Variants in SOX6 observed in about 807,000 individuals in gnomAD.
SOX6 encodes the protein SRY-box transcription factor 6.
SOX6 carries 11 observed loss-of-function variants against 97.8 expected under a neutral mutation model. That is an observed-to-expected ratio of 0.11 (90% CI 0.07 to 0.19). The LOEUF is 0.19. Ranked by LOEUF, SOX6 falls within the 10% of genes least tolerant of loss-of-function variation. The pLI, the probability that SOX6 is intolerant of heterozygous loss-of-function variation, is 1.00. For synonymous variants in SOX6, 360 were observed against 371.4 expected (o/e 0.97, Z 0.35); for missense variants, 810 against 1,039.5 (o/e 0.78, Z 3.04).
chr11:16,187,040 C>A, intron 4 of SOX6, 85 bp from the exon 5 acceptor site: 1 of 1,435,108 alleles, frequency 7.0e-7, no homozygotes, highest in South Asian at 1.2e-5. Flanking sequence ...TAGAAAGGGA[C>A]TATCCTAAGA....
chr11:16,539,489 T>C (rs1861368053), intron 4 of SOX6, among the ~76,000 whole-genome samples: 1 of 150,422 alleles, frequency 6.6e-6, no homozygotes, highest in Non-Finnish European at 1.5e-5. Flanking sequence ...CTGAAGGAGA[T>C]AGAGACATAA....
intron 3 of SOX6, among the ~76,000 whole-genome samples, chr11:16,675,338 A>G (rs1038695215): frequency 2.6e-5 from 4 of 152,032 alleles, no homozygotes; most frequent in East Asian, 1.9e-4. Flanking sequence ...ATATTTAGGG[A>G]TGGGATCTCA....
intron 6 of SOX6, among the ~76,000 whole-genome samples, chr11:16,144,051 C>T (rs903830723): frequency 6.6e-6 from 1 of 152,076 alleles, no homozygotes; most frequent in Admixed American, 6.6e-5. Context: ...GAATAATATT[C>T]TTCTCAGCAC....
intron 3 of SOX6, among the ~76,000 whole-genome samples, chr11:16,649,957 G>GA: frequency 6.6e-6 from 1 of 152,238 alleles, no homozygotes; most frequent in East Asian, 1.9e-4. Context: ...CCATGCAAAT[G>GA]AAAACCAAAA....
At chr11:16,209,761 G>GA (rs1285293576) in intron 4 of SOX6, among the ~76,000 whole-genome samples, 1 of 151,666 alleles carries the variant, frequency 6.6e-6, no homozygotes, top group Non-Finnish European at 1.5e-5. Flanking sequence ...TCAAAAAAAA[G>GA]AAAAAATTAT....
At chr11:16,538,700 A>C (rs1256473548) in intron 4 of SOX6, among the ~76,000 whole-genome samples, 2 of 152,234 alleles carry the variant, frequency 1.3e-5, no homozygotes, top group Non-Finnish European at 2.9e-5. Context: ...ACAAACTTTA[A>C]ACCAACAAAG....
rs1272105969 is a variant in SOX6, at chr11:16,694,558, C to A, written n.429+20272G>T. ...TAAATAAATAAAAGATCATTCCTAA[C>A]CTCAGAAAAATACAGAGGTACTATT... On this transcript the variant is annotated intron_variant and non_coding_transcript_variant, in intron 3 of 5. Transcript: ENST00000524520. Among the ~76,000 whole-genome samples the A allele has an allele frequency of 2.6e-5, 4 of 152,134 alleles. No homozygotes were observed. In the East Asian group the frequency reaches 7.7e-4, roughly 29 times the overall value.
intron 2 of SOX6, among the ~76,000 whole-genome samples, chr11:16,329,260 T>G (rs1856204951): frequency 6.6e-6 from 1 of 152,196 alleles, no homozygotes; most frequent in Admixed American, 6.6e-5. Flanking sequence ...GTTTGTTGAA[T>G]GTCCTCATTA....
intron 7 of SOX6, among the ~76,000 whole-genome samples, chr11:16,100,882 G>T (rs1174815343): frequency 2.0e-5 from 3 of 151,436 alleles, no homozygotes; most frequent in Admixed American, 1.3e-4. Context: ...ACACATTGAA[G>T]AAATAATTTA....
At chr11:16,173,892 C>G (rs1393917897) in intron 6 of SOX6, among the ~76,000 whole-genome samples, 2 of 151,122 alleles carry the variant, frequency 1.3e-5, no homozygotes, top group African/African-American at 4.9e-5. Flanking sequence ...TCTCCATAGC[C>G]CAGGATGGAG....
At chr11:16,609,434 G>C (rs957916165) in intron 4 of SOX6, among the ~76,000 whole-genome samples, 1 of 151,872 alleles carries the variant, frequency 6.6e-6, no homozygotes, top group Non-Finnish European at 1.5e-5. Context: ...ACAGTTCATC[G>C]AAAGAGACTT....
intron 1 of SOX6, among the ~76,000 whole-genome samples, chr11:16,376,251 C>A (rs757414561): frequency 6.6e-6 from 1 of 152,070 alleles, no homozygotes; most frequent in East Asian, 1.9e-4. Context: ...AATGTGATTT[C>A]TTTTCTTCCT....
intron 11 of SOX6, among the ~76,000 whole-genome samples, chr11:16,047,701 C>CGTGTGTGTGTGT (rs68008241): frequency 4.1e-5 from 6 of 146,012 alleles, no homozygotes; most frequent in African/African-American, 1.3e-4. Context: ...CATTTCATAG[C>CGTGTGTGTGTGT]GTGTGTGTGT....
At chr11:16,638,141 T>C (rs1234682919) in intron 3 of SOX6, among the ~76,000 whole-genome samples, 1 of 148,356 alleles carries the variant, frequency 6.7e-6, no homozygotes, top group Non-Finnish European at 1.5e-5. Context: ...CACCTATAAC[T>C]GAGAACATGC....
At chr11:16,083,776 T>G (rs1050678102) in intron 9 of SOX6, among the ~76,000 whole-genome samples, 3 of 152,172 alleles carry the variant, frequency 2.0e-5, no homozygotes, top group African/African-American at 7.2e-5. Context: ...TAAAGCACTT[T>G]TCACAAACAT....
At chr11:16,648,900 A>G (rs548927889) in intron 3 of SOX6, among the ~76,000 whole-genome samples, 2 of 152,290 alleles carry the variant, frequency 1.3e-5, no homozygotes, top group African/African-American at 4.8e-5. Flanking sequence ...AATTCTCCAG[A>G]GAAATAGATA....
chr11:16,313,191 T>A (rs1311368509), intron 3 of SOX6: 1 of 152,174 alleles, frequency 6.6e-6, no homozygotes, highest in Non-Finnish European at 1.5e-5. Context: ...CTGGACAATT[T>A]GGTTGATCAA....
At chr11:16,326,388 A>T (rs1309960086) in intron 2 of SOX6, among the ~76,000 whole-genome samples, 1 of 152,128 alleles carries the variant, frequency 6.6e-6, no homozygotes, top group Non-Finnish European at 1.5e-5. Flanking sequence ...TCAGCAGGAA[A>T]AAAACAACAC....
intron 9 of SOX6, among the ~76,000 whole-genome samples, chr11:16,068,662 GC>G (rs926440743): frequency 6.6e-6 from 1 of 151,976 alleles, no homozygotes; most frequent in Non-Finnish European, 1.5e-5. Context: ...AAATCTCCTT[GC>G]CCCTCCTGCA....
Sources: allele counts gnomAD v4.1 joint callset (sites outside exome capture counted in the v4.1 genomes callset), GRCh38; gene constraint gnomAD v4.1.1; transcripts MANE v1.5; gene names NCBI Gene and HGNC (gene_info 2026-07-23, HGNC 2026-07-21).